The following TMEFF2 variants were observed in gnomAD, a reference collection of about 807,000 sequenced individuals.
The protein encoded by TMEFF2 is transmembrane protein with EGF like and two follistatin like domains 2, also known as tomoregulin-2.
In TMEFF2, 28 loss-of-function variants were observed where a neutral mutation model predicts 53.8. That is an observed-to-expected ratio of 0.52 (90% CI 0.39 to 0.71). TMEFF2 has a LOEUF of 0.71. Ranked by LOEUF, TMEFF2 falls within the 30% of genes least tolerant of loss-of-function variation. The probability of loss-of-function intolerance (pLI) is 0.00; values close to 1 mark genes in which losing one functional copy is unlikely to be tolerated. For missense variants in TMEFF2, 353 were observed against 455.2 expected, an observed-to-expected ratio of 0.78 and a Z score of 2.04; for synonymous variants, 162 against 166.3, an observed-to-expected ratio of 0.97 and a Z score of 0.20.
At chr2:192,154,787 A>T (rs1690468382) in intron 4 of TMEFF2, among the ~76,000 whole-genome samples, 1 of 151,864 alleles carries the variant, frequency 6.6e-6, no homozygotes, top group Non-Finnish European at 1.5e-5. Flanking sequence ...GAGGCTGGTG[A>T]TATTGCAACC....
At chr2:192,060,215 G>A (rs1007837322) in intron 4 of TMEFF2, among the ~76,000 whole-genome samples, 3 of 152,076 alleles carry the variant, frequency 2.0e-5, no homozygotes, top group South Asian at 2.1e-4. Flanking sequence ...CTCAGGCATC[G>A]TCTAGCACAG....
intron 4 of TMEFF2, among the ~76,000 whole-genome samples, chr2:192,108,253 A>G (rs928579088): frequency 6.6e-6 from 1 of 151,898 alleles, no homozygotes; most frequent in African/African-American, 2.4e-5. Flanking sequence ...ATACAACAAA[A>G]CAAAAAGTAG....
intron 7 of TMEFF2, among the ~76,000 whole-genome samples, chr2:191,969,111 ATGTATGTTTG>A (rs1692550777): frequency 6.8e-6 from 1 of 146,736 alleles, no homozygotes; most frequent in African/African-American, 2.5e-5. Context: ...GTATATATGT[ATGTATGTTTG>A]TGTATGTGTG....
chr2:192,111,139 G>A (rs1045813605), intron 4 of TMEFF2, among the ~76,000 whole-genome samples: 1 of 152,144 alleles, frequency 6.6e-6, no homozygotes. Context: ...GTAGGGTGCT[G>A]CTGTAAAGAT....
intron 7 of TMEFF2, among the ~76,000 whole-genome samples, chr2:191,975,132 TA>T (rs1191973660): frequency 1.3e-5 from 2 of 151,080 alleles, no homozygotes; most frequent in East Asian, 3.9e-4. Flanking sequence ...GGATGCTAAT[TA>T]AAAAAATATA....
intron 7 of TMEFF2, among the ~76,000 whole-genome samples, chr2:191,986,674 A>G (rs916370787): frequency 2.0e-5 from 3 of 151,624 alleles, no homozygotes; most frequent in Non-Finnish European, 4.4e-5. Context: ...CCTGACCAAC[A>G]TGGTAAAACC....
chr2:192,017,477 C>T (rs1191739953), intron 5 of TMEFF2, among the ~76,000 whole-genome samples: 4 of 152,070 alleles, frequency 2.6e-5, no homozygotes, highest in African/African-American at 9.7e-5. Flanking sequence ...AATGTGGAGG[C>T]CTGGATTAAC....
intron 9 of TMEFF2, among the ~76,000 whole-genome samples, chr2:191,953,216 G>A (rs1361448612): frequency 6.6e-6 from 1 of 152,126 alleles, no homozygotes; most frequent in Admixed American, 6.5e-5. Context: ...GATTAGGCTG[G>A]GAATTTGATA....
At chr2:192,108,244 TA>T (rs1401590668) in intron 4 of TMEFF2, among the ~76,000 whole-genome samples, 1 of 151,782 alleles carries the variant, frequency 6.6e-6, no homozygotes, top group Non-Finnish European at 1.5e-5. Context: ...CAAAACAAAA[TA>T]CAACAAAACA....
intron 4 of TMEFF2, among the ~76,000 whole-genome samples, chr2:192,063,038 T>A (rs937754002): frequency 2.0e-5 from 3 of 151,764 alleles, no homozygotes. Flanking sequence ...GCTATTTCAC[T>A]TTTTTTATTT....
intron 5 of TMEFF2, among the ~76,000 whole-genome samples, chr2:192,039,052 C>A (rs377164987): frequency 1.3e-5 from 2 of 152,098 alleles, no homozygotes; most frequent in Non-Finnish European, 2.9e-5. Flanking sequence ...CCCGCCCCCC[C>A]CATCTAACTT....
At chr2:192,056,369 G>A (rs1017613381) in intron 5 of TMEFF2, among the ~76,000 whole-genome samples, 2 of 151,990 alleles carry the variant, frequency 1.3e-5, no homozygotes, top group African/African-American at 4.8e-5. Flanking sequence ...GGGAAAGGAG[G>A]AGGAGGAGAA....
intron 4 of TMEFF2, among the ~76,000 whole-genome samples, chr2:192,125,937 G>A (rs1015753876): frequency 8.5e-5 from 13 of 152,180 alleles, no homozygotes; most frequent in African/African-American, 3.1e-4. Context: ...ACACCTAGGT[G>A]ATGGGTGGAT....
chr2:191,964,424 C>CTTTCTTTCTTTCTTTCTTTCTTTCTT (rs1692410359), intron 7 of TMEFF2, among the ~76,000 whole-genome samples: 1 of 118,536 alleles, frequency 8.4e-6, no homozygotes, highest in African/African-American at 3.2e-5. Context: ...TTCTTTCTTT[C>CTTTCTTTCTTTCTTTCTTTCTTTCTT]TTTCTTTCTT....
intron 7 of TMEFF2, among the ~76,000 whole-genome samples, chr2:191,982,348 A>G (rs1374000101): frequency 1.3e-5 from 2 of 152,154 alleles, no homozygotes; most frequent in Non-Finnish European, 2.9e-5. Context: ...AATACCTAAT[A>G]CAGGTCTTCC....
chr2:192,057,739 G>A lies in TMEFF2; in HGVS notation c.476C>T (p.Thr159Ile). The A allele has an allele frequency of 6.2e-7, 1 of 1,614,022 alleles. No homozygotes were observed. Among genetic ancestry groups the A allele is most frequent in the Non-Finnish European group, 8.5e-7 (1 of 1,179,914 alleles). ...AAACTGGCAAATATCACAGGTGGAT[G>A]TCTCCTTTTGACTAGTTTCTCCAGA... is the stretch of plus-strand genomic sequence containing the variant. Reference protein sequence around the residue: ...EGSGETSQKETSTCDICQFGA... With the variant: ...EGSGETSQKEISTCDICQFGA... The change falls in exon 5 of 10, where the codon ACA becomes ATA. Residue 159 changes from threonine (T) to isoleucine (I), a missense_variant. Physicochemically the swap from Thr to Ile is moderately conservative, Grantham distance 89. Coordinates refer to ENST00000272771, the MANE Select transcript of TMEFF2 (RefSeq NM_016192.4).
At chr2:192,059,443 A>C (rs1687991578) in intron 4 of TMEFF2, among the ~76,000 whole-genome samples, 1 of 152,176 alleles carries the variant, frequency 6.6e-6, no homozygotes, top group Non-Finnish European at 1.5e-5. Flanking sequence ...CGAACAGCTG[A>C]GGTCGGTCTC....
intron 4 of TMEFF2, among the ~76,000 whole-genome samples, chr2:192,174,704 C>T (rs1032116630): frequency 2.0e-5 from 3 of 151,688 alleles, no homozygotes; most frequent in Non-Finnish European, 4.4e-5. Context: ...TCAGACGTGT[C>T]ATGCTTGGTA....
intron 4 of TMEFF2, among the ~76,000 whole-genome samples, chr2:192,062,593 C>T (rs768472806): frequency 3.9e-5 from 6 of 152,138 alleles, no homozygotes; most frequent in African/African-American, 1.4e-4. Context: ...TTAAATTCTC[C>T]ACCTGCAGGA....
Sources: gnomAD v4.1 joint callset for allele counts (sites outside exome capture counted in the v4.1 genomes callset) on GRCh38, gnomAD v4.1.1 for gene constraint, MANE v1.5 for transcripts, NCBI Gene and HGNC (gene_info 2026-07-23, HGNC 2026-07-21) for gene names.